The following TCF4 variants were observed in gnomAD, a reference collection of about 807,000 sequenced individuals.
TCF4 encodes the protein transcription factor 4.
In TCF4, 3 loss-of-function variants were observed where a neutral mutation model predicts 82.1. The ratio of observed to expected loss-of-function variants is 0.04; its 90% confidence interval spans 0.02 to 0.09. The LOEUF (loss-of-function observed/expected upper bound fraction) is 0.09. Among genes scored for constraint, TCF4 ranks in the 10% least tolerant of loss-of-function variants. TCF4 has a pLI of 1.00. For synonymous variants in TCF4, 276 were observed against 309.6 expected (o/e 0.89, Z 1.14); for missense variants, 518 against 852.7 (o/e 0.61, Z 4.89).
At chr18:55,562,659 A>G (rs1364894778) in intron 3 of TCF4, among the ~76,000 whole-genome samples, 3 of 152,176 alleles carry the variant, frequency 2.0e-5, no homozygotes, top group Non-Finnish European at 2.9e-5. Context: ...AACTCACCCA[A>G]TCACATTTTC....
At chr18:55,545,890 T>C (rs1246038230) in intron 3 of TCF4, among the ~76,000 whole-genome samples, 1 of 152,228 alleles carries the variant, frequency 6.6e-6, no homozygotes, top group Non-Finnish European at 1.5e-5. Context: ...GACGAGATTT[T>C]AAAAAATAAT....
At chr18:55,511,431 C>T (rs2096828381) in intron 3 of TCF4, among the ~76,000 whole-genome samples, 1 of 149,334 alleles carries the variant, frequency 6.7e-6, no homozygotes, top group Admixed American at 6.7e-5. Context: ...AGTTCCTATA[C>T]TGGAGTATGG....
At chr18:55,572,975 C>T (rs1257281691) in intron 3 of TCF4, among the ~76,000 whole-genome samples, 1 of 151,954 alleles carries the variant, frequency 6.6e-6, no homozygotes, top group African/African-American at 2.4e-5. Flanking sequence ...ATCACTTGAA[C>T]TCGGGAGGCA....
intron 5 of TCF4, among the ~76,000 whole-genome samples, chr18:55,451,699 T>C (rs1460144573): frequency 6.6e-6 from 1 of 152,194 alleles, no homozygotes; most frequent in Non-Finnish European, 1.5e-5. Context: ...CATGGAGTAA[T>C]GAGAGGTTTG....
chr18:55,408,944 T>C (rs577601506), intron 5 of TCF4, among the ~76,000 whole-genome samples: 1 of 152,354 alleles, frequency 6.6e-6, no homozygotes, highest in Admixed American at 6.5e-5. Context: ...AATGATAATT[T>C]ACATTTACAT....
chr18:55,228,695 T>C lies in TCF4; in HGVS notation c.1879+152A>G, dbSNP rs560373532. The C allele has an allele frequency of 1.3e-5, 11 of 848,924 alleles. No homozygotes were observed. In the East Asian group the frequency reaches 2.1e-4, roughly 16 times the overall value. 52.6% of individuals were successfully genotyped at this position (848,924 alleles called of 1,614,324 possible). ...TACAGGAGAAAGGGATGCTGCCTTA[T>C]GGATTTAGACACAGTCTGCAATGGA... On this transcript the variant is annotated intron_variant, in intron 18 of 19. Coordinates refer to ENST00000354452, the MANE Select transcript of TCF4 (RefSeq NM_001083962.2).
chr18:55,304,690 A>G (rs559292259), intron 8 of TCF4, among the ~76,000 whole-genome samples: 22 of 152,266 alleles, frequency 1.4e-4, no homozygotes, highest in Admixed American at 1.4e-3. Flanking sequence ...AAGACATTCA[A>G]GGTATTAAAG....
chr18:55,424,753 T>A (rs1223760148), intron 5 of TCF4, among the ~76,000 whole-genome samples: 2 of 152,226 alleles, frequency 1.3e-5, no homozygotes, highest in African/African-American at 2.4e-5. Context: ...CTAGGTAATT[T>A]ATAACAGTTT....
intron 8 of TCF4, chr18:55,321,524 G>A (rs1033077082): frequency 5.0e-6 from 6 of 1,203,938 alleles, no homozygotes; most frequent in African/African-American, 1.5e-5. Context: ...AAGATCTTAG[G>A]ATTGGCAAAT....
chr18:55,478,684 T>C (rs986572303), intron 3 of TCF4, among the ~76,000 whole-genome samples: 5 of 151,862 alleles, frequency 3.3e-5, no homozygotes, highest in Admixed American at 6.6e-5. Context: ...ATTATCCTTA[T>C]TGTACCAAAT....
chr18:55,377,904 T>C (rs1392992939), intron 6 of TCF4, among the ~76,000 whole-genome samples: 3 of 152,234 alleles, frequency 2.0e-5, no homozygotes, highest in African/African-American at 4.8e-5. Flanking sequence ...AAAGTTACTT[T>C]ATTTCTTCCA....
At chr18:55,535,429 G>C (rs1158399567) in intron 3 of TCF4, among the ~76,000 whole-genome samples, 1 of 152,176 alleles carries the variant, frequency 6.6e-6, no homozygotes, top group African/African-American at 2.4e-5. Context: ...GCAGTAATGG[G>C]AAGGAAAATG....
chr18:55,560,611 G>A (rs1313928041), intron 3 of TCF4, among the ~76,000 whole-genome samples: 4 of 152,146 alleles, frequency 2.6e-5, no homozygotes, highest in African/African-American at 9.7e-5. Flanking sequence ...ACATCTACCA[G>A]TAAGAAGGCT....
intron 8 of TCF4, among the ~76,000 whole-genome samples, chr18:55,328,958 C>T (rs2077047716): frequency 6.6e-6 from 1 of 152,064 alleles, no homozygotes; most frequent in Non-Finnish European, 1.5e-5. Context: ...TGTTGATTAC[C>T]TTTGTTCTTT....
chr18:55,408,626 T>C (rs2094205256), intron 5 of TCF4, among the ~76,000 whole-genome samples: 1 of 152,168 alleles, frequency 6.6e-6, no homozygotes, highest in Non-Finnish European at 1.5e-5. Flanking sequence ...CTACATAAAA[T>C]GATTCATTCA....
chr18:55,619,331 G>C (rs955220393), intron 2 of TCF4, among the ~76,000 whole-genome samples: 3 of 152,104 alleles, frequency 2.0e-5, no homozygotes, highest in African/African-American at 4.8e-5. Flanking sequence ...GCACAAAATT[G>C]CTAATCATAT....
upstream of TCF4, among the ~76,000 whole-genome samples, chr18:55,590,056 T>C (rs1403564545): frequency 6.6e-6 from 1 of 152,176 alleles, no homozygotes; most frequent in African/African-American, 2.4e-5. Context: ...TGCGCTCTTA[T>C]TCGTGTTGCC....
rs527458521 is a variant in TCF4 at position 55,595,895 on chromosome 18, G to A, written c.287-8759C>T. 1.6e-4 allele frequency among the ~76,000 whole-genome samples: 24 copies of A among 152,188 alleles called. No individual in the cohort carries two copies. In the South Asian group the frequency reaches 2.7e-3, roughly 17 times the overall value. Reference sequence around the variant, plus strand: ...AGGCTGGAGAGCATTTTGTCTGTACGTCGGTGGTCTCGTTTTCCCTTGCAT... The same window carrying A: ...AGGCTGGAGAGCATTTTGTCTGTACATCGGTGGTCTCGTTTTCCCTTGCAT... On this transcript the variant is annotated intron_variant, in intron 2 of 20. Transcript: ENST00000398339.
chr18:55,302,247 G>A (rs988178323), intron 8 of TCF4, among the ~76,000 whole-genome samples: 1 of 152,238 alleles, frequency 6.6e-6, no homozygotes, highest in African/African-American at 2.4e-5. Context: ...AGGTGGTAAA[G>A]TAACCCGGGC....
Sources: allele counts gnomAD v4.1 joint callset (sites outside exome capture counted in the v4.1 genomes callset), GRCh38; gene constraint gnomAD v4.1.1; transcripts MANE v1.5; gene names NCBI Gene and HGNC (gene_info 2026-07-23, HGNC 2026-07-21).